Variants in ABTB2 observed in about 807,000 individuals in gnomAD.
ABTB2 encodes ankyrin repeat and BTB/POZ domain-containing protein 2.
A neutral mutation model predicts 104.1 loss-of-function variants in ABTB2; 56 were observed. The observed-to-expected ratio is 0.54, with a 90% CI of 0.43 to 0.67. The LOEUF (loss-of-function observed/expected upper bound fraction) is 0.67. Among genes scored for constraint, ABTB2 ranks in the 30% least tolerant of loss-of-function variants. The pLI, the probability that ABTB2 is intolerant of heterozygous loss-of-function variation, is 0.00. For missense variants in ABTB2, 1,279 were observed against 1,407.7 expected, an observed-to-expected ratio of 0.91 and a Z score of 1.46; for synonymous variants, 606 against 608.2, an observed-to-expected ratio of 1.00 and a Z score of 0.05.
In ABTB2 at chr11:34,258,605, C is replaced by CTTTTTT. The variant is rs35853565; in HGVS notation, c.884-53921_884-53916dup. ...AGTGAGCACTACAGAAGTGCCTGCT[C>CTTTTTT]TTTTTTTTTTTTTTTTTTTTTTTGA... On this transcript the variant is annotated intron_variant, in intron 1 of 16. Transcript: ENST00000435224. Among the ~76,000 whole-genome samples the CTTTTTT allele has an allele frequency of 7.9e-4, 75 of 95,156 alleles. 1 individual carries two copies. Among genetic ancestry groups the CTTTTTT allele is most frequent in the East Asian group, 2.1e-3 (7 of 3,394 alleles). 62.4% of individuals were successfully genotyped at this position (95,156 alleles called of 152,430 possible).
chr11:34,251,991 A>G (rs1477728953), intron 1 of ABTB2, among the ~76,000 whole-genome samples: 1 of 152,198 alleles, frequency 6.6e-6, no homozygotes, highest in African/African-American at 2.4e-5. Flanking sequence ...TAGGGCACTC[A>G]GGGATCTAAG....
intron 1 of ABTB2, among the ~76,000 whole-genome samples, chr11:34,276,692 A>C (rs995105548): frequency 2.0e-5 from 3 of 152,246 alleles, no homozygotes; most frequent in Non-Finnish European, 2.9e-5. Context: ...TAGCTTGACC[A>C]GTCACAGAAG....
chr11:34,335,451 T>A (rs1207752650), intron 1 of ABTB2: 1 of 784,672 alleles, frequency 1.3e-6, no homozygotes, highest in Non-Finnish European at 2.2e-6. Flanking sequence ...AACAGTCATA[T>A]TATTCTTAGT....
intron 1 of ABTB2, among the ~76,000 whole-genome samples, chr11:34,346,247 G>A (rs1414913607): frequency 6.6e-6 from 1 of 151,774 alleles, no homozygotes; most frequent in Non-Finnish European, 1.5e-5. Flanking sequence ...GTCCCACATC[G>A]TATAAAGAAG....
intron 1 of ABTB2, among the ~76,000 whole-genome samples, chr11:34,258,690 C>G (rs992732107): frequency 2.2e-5 from 3 of 138,330 alleles, no homozygotes; most frequent in Admixed American, 1.6e-4. Flanking sequence ...CAGCTGAATT[C>G]AACCTCCACC....
At position 34,160,336 on chromosome 11, in the gene ABTB2, C is replaced by G; in HGVS notation, c.2415G>C (p.Gln805His). ...AGTGGGTGAAGATGGTAGCCAGTTG[C>G]TGGATGACGGAGTCGTTCTGTGGGG... ...LKTSKNDSVI[Q>H]QLATIFTHCY... The change falls in exon 12 of 17, where the codon CAG becomes CAC. Residue 805 changes from glutamine to histidine, a missense_variant. Physicochemically the swap from Gln to His is conservative, Grantham distance 24 (BLOSUM62 0). Transcript: ENST00000435224. 6.2e-7 allele frequency: 1 copy of G among 1,614,052 alleles called. No individual in the cohort carries two copies. The highest frequency in any genetic ancestry group is 8.5e-7 in the Non-Finnish European group (1 of 1,179,944).
intron 1 of ABTB2, among the ~76,000 whole-genome samples, chr11:34,332,341 A>G (rs1322630949): frequency 6.6e-6 from 1 of 152,122 alleles, no homozygotes. Flanking sequence ...CTTCTCCTCC[A>G]TGAAGACCTA....
At chr11:34,175,027 G>A (rs1447118014) in intron 3 of ABTB2, among the ~76,000 whole-genome samples, 5 of 152,254 alleles carry the variant, frequency 3.3e-5, no homozygotes, top group Admixed American at 3.3e-4. Context: ...GGTCACTGTG[G>A]TCTCTCCCCT....
In ABTB2 at chr11:34,153,539, G is replaced by A. The variant is rs568321381; in HGVS notation, c.2880+726C>T. ...GCACGCCACCACACTCAGCTAGTTT[G>A]TAGAGGCAGGTTCTTGCCATGTTTC... On this transcript the variant is annotated intron_variant, in intron 16 of 16. Coordinates refer to ENST00000435224, the MANE Select transcript of ABTB2 (RefSeq NM_145804.3). 3.9e-5 allele frequency among the ~76,000 whole-genome samples: 6 copies of A among 152,264 alleles called. No homozygotes were observed. In the South Asian group the frequency reaches 6.2e-4, roughly 16 times the overall value.
rs770009783 is a variant in ABTB2, at chr11:34,173,213, T to C, written c.1339A>G (p.Ile447Val). Residue 447 changes from isoleucine to valine, a missense_variant, in exon 4 of 17, where the codon ATC becomes GTC. Physicochemically the swap from Ile to Val is conservative, Grantham distance 29 (BLOSUM62 3). Coordinates refer to ENST00000435224, the MANE Select transcript of ABTB2 (RefSeq NM_145804.3). ...RRSLTVDSGD[I>V]RQAARLLLPG... Reference sequence around the variant, plus strand: ...AGCAGCAGCCGGGCTGCCTGCCGGATGTCGCCGCTGTCCACGGTGAGGCTG... The same window carrying C: ...AGCAGCAGCCGGGCTGCCTGCCGGACGTCGCCGCTGTCCACGGTGAGGCTG... 4 of 1,613,530 alleles carry C rather than the reference T, an allele frequency of 2.5e-6. No homozygotes were observed. The African/African-American group carries it at 5.3e-5, about 22-fold the overall frequency.
In ABTB2 at chr11:34,180,731, G is replaced by A. The variant is rs117112083; in HGVS notation, c.1245-7424C>T. Among the ~76,000 whole-genome samples the A allele has an allele frequency of 1.2e-3, 184 of 152,292 alleles. 4 individuals are homozygous for A. In the East Asian group the frequency reaches 0.032, roughly 26 times the overall value. On this transcript the variant is annotated intron_variant, in intron 3 of 16. Transcript: ENST00000435224. The stretch of plus-strand genomic sequence containing the variant: ...ACACGGCCAATTCAGCTGCAATAGG[G>A]ATGCTAGACCCAGGTGCCATAACAG...
At chr11:34,251,865 C>A (rs560807578) in intron 1 of ABTB2, among the ~76,000 whole-genome samples, 1 of 152,058 alleles carries the variant, frequency 6.6e-6, no homozygotes, top group African/African-American at 2.4e-5. Flanking sequence ...GGAGCTTGAA[C>A]GATAGAAAAA....
At chr11:34,285,415 C>T (rs1314715014) in intron 1 of ABTB2, among the ~76,000 whole-genome samples, 1 of 152,128 alleles carries the variant, frequency 6.6e-6, no homozygotes, top group Non-Finnish European at 1.5e-5. Context: ...GCAATGCATC[C>T]TTGCCAACGG....
At chr11:34,310,626 G>T (rs1245397871) in intron 1 of ABTB2, among the ~76,000 whole-genome samples, 1 of 151,956 alleles carries the variant, frequency 6.6e-6, no homozygotes, top group Non-Finnish European at 1.5e-5. Context: ...CAGCCTCAGG[G>T]CCCCTCACAC....
At chr11:34,240,781 AG>A (rs11287256) in intron 1 of ABTB2, among the ~76,000 whole-genome samples, 90,463 of 151,874 alleles carry the variant, frequency 0.6, 27,216 homozygotes, top group Middle Eastern at 0.71. Flanking sequence ...TTTAGTGGAG[AG>A]GGGGGTTTCA....
At chr11:34,287,965 T>C (rs913326912) in intron 1 of ABTB2, among the ~76,000 whole-genome samples, 1 of 152,140 alleles carries the variant, frequency 6.6e-6, no homozygotes, top group African/African-American at 2.4e-5. Flanking sequence ...CCAGAGATGA[T>C]CAAGACCGAA....
chr11:34,270,488 T>A (rs921162169), intron 1 of ABTB2, among the ~76,000 whole-genome samples: 6 of 152,102 alleles, frequency 3.9e-5, no homozygotes, highest in African/African-American at 1.2e-4. Flanking sequence ...TATAGGCACC[T>A]ACCACCACAC....
chr11:34,246,840 CTTTTTTCTTTTTTT>C (rs1018694626), intron 1 of ABTB2, among the ~76,000 whole-genome samples: 1 of 127,394 alleles, frequency 7.8e-6, no homozygotes, highest in African/African-American at 3.1e-5. Context: ...TTCTTTTTTT[CTTTTTTCTTTTTTT>C]TTTTTTTTTT....
intron 1 of ABTB2, among the ~76,000 whole-genome samples, chr11:34,244,184 C>A (rs987710853): frequency 1.3e-5 from 2 of 151,866 alleles, no homozygotes; most frequent in Non-Finnish European, 2.9e-5. Context: ...TTGCTGCTGA[C>A]CAAGGGAGGT....
Sources: allele counts gnomAD v4.1 joint callset (sites outside exome capture counted in the v4.1 genomes callset), GRCh38; gene constraint gnomAD v4.1.1; transcripts MANE v1.5; gene names NCBI Gene and HGNC (gene_info 2026-07-23, HGNC 2026-07-21).